The following GRK4 variants were observed in gnomAD, a reference collection of about 807,000 sequenced individuals.
The protein encoded by GRK4 is G protein-coupled receptor kinase 2-like.
A neutral mutation model predicts 77.9 loss-of-function variants in GRK4; 73 were observed. That is an observed-to-expected ratio of 0.94 (90% CI 0.78 to 1.14). The LOEUF is 1.14. Among genes scored for constraint, GRK4 ranks in the 50% most tolerant of loss-of-function variants. The probability of loss-of-function intolerance (pLI) is 0.00; values close to 1 mark genes in which losing one functional copy is unlikely to be tolerated. For synonymous variants in GRK4, 257 were observed against 254.4 expected (o/e 1.01, Z -0.10); for missense variants, 729 against 700.2 (o/e 1.04, Z -0.46).
intron 4 of GRK4, among the ~76,000 whole-genome samples, chr4:2,999,947 A>G (rs1458817022): frequency 6.6e-6 from 1 of 152,184 alleles, no homozygotes; most frequent in Non-Finnish European, 1.5e-5. Context: ...AAGATGACCC[A>G]ATTTTTTAAA....
At chr4:2,993,822 C>T (rs750772258) in intron 4 of GRK4, among the ~76,000 whole-genome samples, 1 of 152,180 alleles carries the variant, frequency 6.6e-6, no homozygotes, top group Non-Finnish European at 1.5e-5. Context: ...GTGACTTACC[C>T]AAGGTTACAC....
chr4:2,963,918 T>C lies in GRK4; in HGVS notation c.-153T>C. 1.4e-6 allele frequency: 1 copy of C among 728,930 alleles called. No homozygotes were observed. 45.2% of individuals were successfully genotyped at this position (728,930 alleles called of 1,614,324 possible). ...GCGGCGGCGCCCTTGGTGGCAGTGG[T>C]GGCGGCGGAGCAGCCTCCCGGGATC... On this transcript the variant is annotated 5_prime_UTR_variant, in exon 1 of 16. Transcript: ENST00000398052.
intron 4 of GRK4, among the ~76,000 whole-genome samples, chr4:2,997,915 A>G (rs1728413984): frequency 1.3e-5 from 2 of 151,726 alleles, no homozygotes; most frequent in Non-Finnish European, 2.9e-5. Context: ...CTCCAAAAAA[A>G]AAAAAAAAAA....
rs142083479 is a variant in GRK4 at position 2,997,971 on chromosome 4, T to C, written c.339+5679T>C. Among the ~76,000 whole-genome samples, 995 of 151,352 alleles carry C rather than the reference T, an allele frequency of 6.6e-3. 11 individuals carry two copies. Among genetic ancestry groups the C allele is most frequent in the African/African-American group, 0.023 (931 of 41,190 alleles). ...CTTTAAGATTAGGAACAAGACAAGA[T>C]TGTGCACCCTCACCACTTCTGTTCA... On this transcript the variant is annotated intron_variant, in intron 4 of 15. Coordinates refer to ENST00000398052, the MANE Select transcript of GRK4 (RefSeq NM_182982.3).
At chr4:2,976,794 C>T (rs1577987075) in intron 1 of GRK4, among the ~76,000 whole-genome samples, 1 of 152,120 alleles carries the variant, frequency 6.6e-6, no homozygotes, top group Admixed American at 6.6e-5. Context: ...CACATGCCAC[C>T]ACGTCCGGCT....
At chr4:3,017,383 G>T (rs1027252539) in intron 8 of GRK4, among the ~76,000 whole-genome samples, 7 of 152,104 alleles carry the variant, frequency 4.6e-5, no homozygotes, top group African/African-American at 1.4e-4. Context: ...AACTGCCCAG[G>T]CCTCCTCCAC....
At chr4:2,976,233 G>A (rs1560355927) in intron 1 of GRK4, among the ~76,000 whole-genome samples, 1 of 145,004 alleles carries the variant, frequency 6.9e-6, no homozygotes, top group Non-Finnish European at 1.5e-5. Context: ...CTTCTTCCTT[G>A]TTTTTTTTTC....
chr4:3,033,894 G>A (rs944544170), intron 12 of GRK4, among the ~76,000 whole-genome samples: 14 of 152,112 alleles, frequency 9.2e-5, no homozygotes, highest in South Asian at 4.1e-4. Context: ...CTTCACATCC[G>A]TTTTAAATTA....
intron 9 of GRK4, among the ~76,000 whole-genome samples, chr4:3,020,399 G>C (rs1008666341): frequency 6.6e-6 from 1 of 152,158 alleles, no homozygotes; most frequent in Non-Finnish European, 1.5e-5. Context: ...GTAAGCATAA[G>C]AAGAGCCCAT....
chr4:3,032,642 G>A (rs571553001), intron 12 of GRK4, among the ~76,000 whole-genome samples: 2 of 152,270 alleles, frequency 1.3e-5, no homozygotes, highest in Admixed American at 1.3e-4. Flanking sequence ...TTAGGGCCAG[G>A]TGAGTCTCAG....
At chr4:2,986,753 A>G in intron 2 of GRK4, 1 of 270,698 alleles carries the variant, frequency 3.7e-6, no homozygotes, top group South Asian at 3.2e-5. Context: ...TATCTGTAGG[A>G]AGGACACATT....
intron 1 of GRK4, among the ~76,000 whole-genome samples, chr4:2,974,107 C>T (rs1356459351): frequency 6.6e-6 from 1 of 152,218 alleles, no homozygotes; most frequent in Non-Finnish European, 1.5e-5. Flanking sequence ...TAAGCCTCCC[C>T]AGTAGCTGGG....
In GRK4 at chr4:3,027,971, C is replaced by A; in HGVS notation, c.1030C>A (p.Arg344=). Residue 344 remains arginine, a synonymous_variant, in exon 11 of 16, where the codon CGA becomes AGA. Coordinates refer to ENST00000398052, the MANE Select transcript of GRK4 (RefSeq NM_182982.3). ...AGAGATCCCAGAAGGACAGAGGGTT[C>A]GAGGAAGAGTTGGAACAGTCGGCTA... ...ATEIPEGQRV[R]GRVGTVGYMA... 6.2e-7 allele frequency: 1 copy of A among 1,614,020 alleles called. No individual in the cohort carries two copies. Among genetic ancestry groups the A allele is most frequent in the East Asian group, 2.2e-5 (1 of 44,888 alleles).
In GRK4 at chr4:3,001,089, A is replaced by ATATATATATGTGTGTGTG; in HGVS notation, c.340-3141_340-3140insATATATATGTGTGTGTGT. On this transcript the variant is annotated intron_variant, in intron 4 of 15. Coordinates refer to ENST00000398052, the MANE Select transcript of GRK4 (RefSeq NM_182982.3). ...TAAATGAGACTATATATATATATAT[A>ATATATATATGTGTGTGTG]TGTGTGTGTGTGTGTGTATATATAT... 1.7e-3 allele frequency among the ~76,000 whole-genome samples: 144 copies of ATATATATATGTGTGTGTG among 82,426 alleles called. 16 individuals carry two copies. Among genetic ancestry groups the ATATATATATGTGTGTGTG allele is most frequent in the Non-Finnish European group, 2.3e-3 (93 of 40,034 alleles). The allele number at this position is 82,426 out of a possible 152,430, so 54.1% of individuals were successfully genotyped here.
intron 6 of GRK4, among the ~76,000 whole-genome samples, chr4:3,008,472 T>C (rs1578213709): frequency 1.3e-5 from 2 of 152,230 alleles, no homozygotes; most frequent in East Asian, 3.8e-4. Context: ...ACAACGCTTA[T>C]AGCACAATGT....
At chr4:2,964,480 C>T (rs1716850592) in intron 1 of GRK4, among the ~76,000 whole-genome samples, 1 of 152,086 alleles carries the variant, frequency 6.6e-6, no homozygotes, top group Non-Finnish European at 1.5e-5. Flanking sequence ...GACAACCTGT[C>T]CCACCAAAAA....
chr4:3,032,897 C>A (rs1739555930), intron 12 of GRK4, among the ~76,000 whole-genome samples: 1 of 152,212 alleles, frequency 6.6e-6, no homozygotes, highest in Non-Finnish European at 1.5e-5. Flanking sequence ...GCTTTTGGAC[C>A]AAGCCCCTCT....
intron 4 of GRK4, among the ~76,000 whole-genome samples, chr4:2,996,987 A>G (rs1007517971): frequency 6.6e-6 from 1 of 152,202 alleles, no homozygotes; most frequent in Non-Finnish European, 1.5e-5. Flanking sequence ...TGGGAGGCCA[A>G]GACAGGAGGC....
intron 1 of GRK4, among the ~76,000 whole-genome samples, chr4:2,975,439 G>T (rs181204424): frequency 6.6e-6 from 1 of 152,282 alleles, no homozygotes. Flanking sequence ...GCAGAGGCAG[G>T]GTGACTATTG....
Sources: allele counts gnomAD v4.1 joint callset (sites outside exome capture counted in the v4.1 genomes callset), GRCh38; gene constraint gnomAD v4.1.1; transcripts MANE v1.5; gene names NCBI Gene and HGNC (gene_info 2026-07-23, HGNC 2026-07-21).